DNAJC1: variants seen among roughly 807,000 people sequenced by gnomAD.
DNAJC1 encodes the protein dnaJ homolog subfamily C member 1.
Under a neutral mutation model 76.6 loss-of-function variants are expected in DNAJC1, and 58 were observed. The observed-to-expected ratio is 0.76, with a 90% CI of 0.61 to 0.94. The LOEUF is 0.94. DNAJC1 is among the 40% of genes least tolerant of loss of function. DNAJC1 has a pLI of 0.00. For missense variants in DNAJC1, 689 were observed against 677.3 expected (o/e 1.02, Z -0.19); for synonymous variants, 258 against 267.9 (o/e 0.96, Z 0.36).
intron 7 of DNAJC1, among the ~76,000 whole-genome samples, chr10:21,897,896 T>C (rs1162855644): frequency 2.0e-5 from 3 of 152,096 alleles, no homozygotes; most frequent in African/African-American, 7.2e-5. Flanking sequence ...GAAAAGGAAA[T>C]AAAATGCATA....
At chr10:21,781,165 T>C (rs1043947580) in intron 9 of DNAJC1, among the ~76,000 whole-genome samples, 1 of 152,168 alleles carries the variant, frequency 6.6e-6, no homozygotes, top group Non-Finnish European at 1.5e-5. Context: ...AACACCCCAC[T>C]GTCAACATTA....
intron 9 of DNAJC1, among the ~76,000 whole-genome samples, chr10:21,799,919 T>A (rs1284503414): frequency 6.6e-6 from 1 of 152,178 alleles, no homozygotes; most frequent in Non-Finnish European, 1.5e-5. Context: ...CAGAATCTAG[T>A]GTTGCTGAGG....
intron 8 of DNAJC1, among the ~76,000 whole-genome samples, chr10:21,868,076 C>CAAAAAA (rs775127374): frequency 4.7e-5 from 1 of 21,224 alleles, no homozygotes; most frequent in East Asian, 3.8e-3. Flanking sequence ...ATTCTGTCTC[C>CAAAAAA]AAAAAAAAAA....
intron 8 of DNAJC1, among the ~76,000 whole-genome samples, chr10:21,846,322 C>G (rs1011338193): frequency 1.8e-4 from 28 of 152,194 alleles, no homozygotes; most frequent in African/African-American, 6.7e-4. Context: ...TATTGGAACT[C>G]CCTTAGAAAA....
chr10:21,772,595 G>A (rs1834400163), intron 9 of DNAJC1, among the ~76,000 whole-genome samples: 1 of 150,134 alleles, frequency 6.7e-6, no homozygotes, highest in Non-Finnish European at 1.5e-5. Context: ...CCTTTTTTTT[G>A]ACCCTAGAAA....
intron 10 of DNAJC1, among the ~76,000 whole-genome samples, chr10:21,762,960 C>T (rs1015248776): frequency 1.3e-5 from 2 of 152,026 alleles, no homozygotes; most frequent in African/African-American, 2.4e-5. Flanking sequence ...GAGCCAGTCT[C>T]GCTCTGTTGC....
At chr10:21,934,230 A>AG (rs969838564) in intron 1 of DNAJC1, among the ~76,000 whole-genome samples, 3 of 151,766 alleles carry the variant, frequency 2.0e-5, no homozygotes, top group African/African-American at 7.2e-5. Flanking sequence ...AAAAAAAAAA[A>AG]CTAAATAATT....
At chr10:21,822,127 C>T (rs1284167296) in intron 8 of DNAJC1, among the ~76,000 whole-genome samples, 1 of 152,068 alleles carries the variant, frequency 6.6e-6, no homozygotes, top group Non-Finnish European at 1.5e-5. Flanking sequence ...TTGTTATATT[C>T]TCTTAGAACA....
intron 7 of DNAJC1, among the ~76,000 whole-genome samples, chr10:21,897,362 G>A (rs1442952972): frequency 2.6e-5 from 4 of 151,920 alleles, no homozygotes; most frequent in African/African-American, 4.8e-5. Flanking sequence ...ATTATTGATA[G>A]AGGAAAAAAA....
At chr10:21,959,050 C>T (rs1466789203) in intron 1 of DNAJC1, among the ~76,000 whole-genome samples, 1 of 152,098 alleles carries the variant, frequency 6.6e-6, no homozygotes, top group Non-Finnish European at 1.5e-5. Context: ...AGGAATTGGC[C>T]TTTCTAGTTC....
chr10:21,950,954 A>C (rs1837583964), intron 1 of DNAJC1, among the ~76,000 whole-genome samples: 1 of 152,216 alleles, frequency 6.6e-6, no homozygotes, highest in Non-Finnish European at 1.5e-5. Flanking sequence ...CCACAACATA[A>C]AAGTGCTAGA....
intron 8 of DNAJC1, among the ~76,000 whole-genome samples, chr10:21,859,697 A>G (rs371759331): frequency 6.6e-6 from 1 of 152,142 alleles, no homozygotes; most frequent in East Asian, 1.9e-4. Flanking sequence ...ATTTTACATC[A>G]ATACTTTGTG....
chr10:21,975,966 A>C (rs530044285), intron 1 of DNAJC1, among the ~76,000 whole-genome samples: 1 of 152,358 alleles, frequency 6.6e-6, no homozygotes, highest in Admixed American at 6.5e-5. Context: ...TGGGAAAATT[A>C]GGGAAAGAGT....
Position 21,941,006 on chromosome 10 carries a change from C to G in DNAJC1, c.223-11865G>C, listed in dbSNP as rs1344469853. Among the ~76,000 whole-genome samples the G allele has an allele frequency of 2.0e-5, 3 of 149,860 alleles. No homozygotes were observed. The Admixed American group carries it at 2.0e-4, about 10-fold the overall frequency. Reference sequence around the variant, plus strand: ...GTAGCTCACGCCTGTAATCCCAGCACTTTGGGAGGCCAAGGCGGGCGGATC... The same window carrying G: ...GTAGCTCACGCCTGTAATCCCAGCAGTTTGGGAGGCCAAGGCGGGCGGATC... On this transcript the variant is annotated intron_variant, in intron 1 of 11. Coordinates refer to ENST00000376980, the MANE Select transcript of DNAJC1 (RefSeq NM_022365.4).
chr10:21,997,176 T>C (rs1838429517), intron 1 of DNAJC1, among the ~76,000 whole-genome samples: 2 of 152,192 alleles, frequency 1.3e-5, no homozygotes, highest in South Asian at 4.1e-4. Flanking sequence ...TCACCATCAT[T>C]CATGAATGAA....
At chr10:21,766,420 G>C (rs1834300605) in intron 9 of DNAJC1, 111 bp from the exon 10 acceptor site, 24 of 798,480 alleles carry the variant, frequency 3.0e-5, no homozygotes, top group Non-Finnish European at 5.0e-5. Flanking sequence ...TTGGATCTTA[G>C]GCCTGAAAGA....
intron 9 of DNAJC1, among the ~76,000 whole-genome samples, chr10:21,779,477 G>A (rs1834499276): frequency 6.6e-6 from 1 of 152,148 alleles, no homozygotes; most frequent in Non-Finnish European, 1.5e-5. Flanking sequence ...TGATACCCAG[G>A]CAAACAGGGT....
intron 11 of DNAJC1, among the ~76,000 whole-genome samples, chr10:21,758,549 G>T (rs1230124387): frequency 6.6e-6 from 1 of 152,212 alleles, no homozygotes; most frequent in South Asian, 2.1e-4. Flanking sequence ...AACTACAAAC[G>T]GCCACGGCCG....
rs190213777 is a variant in DNAJC1 at position 21,826,982 on chromosome 10, T to C, written c.979-20883A>G. Among the ~76,000 whole-genome samples the C allele has an allele frequency of 2.2e-3, 340 of 152,232 alleles. 3 individuals carry two copies. Among genetic ancestry groups the C allele is most frequent in the African/African-American group, 7.8e-3 (324 of 41,540 alleles). On this transcript the variant is annotated intron_variant, in intron 8 of 11. Transcript: ENST00000376980. ...GTTCAAGTTTTTTTTTTTTTCCTTT[T>C]GGATCCCTTGAGATTCAATTTTGAT...
Sources: allele counts gnomAD v4.1 joint callset (sites outside exome capture counted in the v4.1 genomes callset), GRCh38; gene constraint gnomAD v4.1.1; transcripts MANE v1.5; gene names NCBI Gene and HGNC (gene_info 2026-07-23, HGNC 2026-07-21).